Variants in PRKD1 observed in about 807,000 individuals in gnomAD.
PRKD1 encodes the protein protein kinase D1, also known as serine/threonine-protein kinase D1.
A neutral mutation model predicts 95.9 loss-of-function variants in PRKD1; 63 were observed. That is an observed-to-expected ratio of 0.66 (90% CI 0.54 to 0.81). The LOEUF is 0.81. PRKD1 is among the 30% of genes least tolerant of loss of function. The probability of loss-of-function intolerance (pLI) is 0.00; values close to 1 mark genes in which losing one functional copy is unlikely to be tolerated. For synonymous variants in PRKD1, 425 were observed against 423.1 expected (o/e 1.00, Z -0.05); for missense variants, 1,048 against 1,165.3 (o/e 0.90, Z 1.47).
rs984157526 is a variant in PRKD1 at position 29,828,571 on chromosome 14, G to A, written c.264+98678C>T. On this transcript the variant is annotated intron_variant, in intron 1 of 17. Coordinates refer to ENST00000331968, the MANE Select transcript of PRKD1 (RefSeq NM_002742.3). ...CTAACACAAGGCCTTGTTAGTCCTT[G>A]GATCTTTAGAGGAAAAAGAGATTCT... Among the ~76,000 whole-genome samples, 10 of 152,118 alleles carry A rather than the reference G, an allele frequency of 6.6e-5. 1 individual carries two copies. The highest frequency in any genetic ancestry group is 4.2e-4 in the South Asian group (2 of 4,814).
At chr14:29,772,501 C>T (rs759356088) in intron 1 of PRKD1, among the ~76,000 whole-genome samples, 3 of 152,124 alleles carry the variant, frequency 2.0e-5, no homozygotes, top group Non-Finnish European at 4.4e-5. Context: ...TATAGCCGCC[C>T]AAATGGAATA....
At chr14:29,861,808 A>G (rs1298517590) in intron 1 of PRKD1, among the ~76,000 whole-genome samples, 1 of 152,034 alleles carries the variant, frequency 6.6e-6, no homozygotes, top group East Asian at 1.9e-4. Flanking sequence ...GTGTGCCACC[A>G]CACCCAGCTA....
chr14:29,708,958 T>A (rs1299139667), intron 2 of PRKD1, among the ~76,000 whole-genome samples: 2 of 152,198 alleles, frequency 1.3e-5, no homozygotes, highest in African/African-American at 4.8e-5. Flanking sequence ...ATAAGATATA[T>A]TTTGGTGTAC....
At chr14:29,787,279 C>G (rs1889320451) in intron 1 of PRKD1, among the ~76,000 whole-genome samples, 2 of 133,308 alleles carry the variant, frequency 1.5e-5, no homozygotes, top group African/African-American at 5.8e-5. Flanking sequence ...ATTCCATGTG[C>G]TGATGAGAAG....
intron 1 of PRKD1, among the ~76,000 whole-genome samples, chr14:29,878,361 A>AC (rs1893381361): frequency 6.6e-6 from 1 of 151,586 alleles, no homozygotes; most frequent in African/African-American, 2.4e-5. Context: ...AAAAAAAAAA[A>AC]ACCTACACAC....
At chr14:29,598,476 T>C (rs1314554773) in intron 15 of PRKD1, among the ~76,000 whole-genome samples, 1 of 152,004 alleles carries the variant, frequency 6.6e-6, no homozygotes, top group African/African-American at 2.4e-5. Flanking sequence ...AAGCGCTTAT[T>C]ATGAGAAGAA....
Position 29,634,450 on chromosome 14 carries a change from A to G in PRKD1, c.1282T>C (p.Trp428Arg). 6.2e-7 allele frequency: 1 copy of G among 1,614,034 alleles called. No individual in the cohort carries two copies. The highest frequency in any genetic ancestry group is 8.5e-7 in the Non-Finnish European group (1 of 1,179,956). ...TCCTTGCTGGTGTAGTGGACCATCC[A>G]TCCTTCTTTCATGACTGTGCTGCTT... ...RKSSTVMKEG[W>R]MVHYTSKDTL... Residue 428 changes from tryptophan (W) to arginine (R), a missense_variant, in exon 8 of 18, where the codon TGG becomes CGG. Transcript: ENST00000331968.
chr14:29,894,828 A>C (rs956241488), intron 1 of PRKD1, among the ~76,000 whole-genome samples: 1 of 152,228 alleles, frequency 6.6e-6, no homozygotes. Flanking sequence ...GATCAGAAGA[A>C]GCACAGAAGC....
chr14:29,678,375 G>A (rs1186343626), intron 2 of PRKD1, among the ~76,000 whole-genome samples: 1 of 152,122 alleles, frequency 6.6e-6, no homozygotes, highest in Admixed American at 6.5e-5. Context: ...GTAAGTGGAA[G>A]GATCTATAGT....
intron 13 of PRKD1, among the ~76,000 whole-genome samples, chr14:29,611,523 C>T (rs1271422925): frequency 2.0e-5 from 3 of 151,980 alleles, no homozygotes; most frequent in East Asian, 1.9e-4. Context: ...TGAATGCATG[C>T]ATCCCAGTAC....
chr14:29,594,912 A>T (rs1446293356), intron 16 of PRKD1, among the ~76,000 whole-genome samples: 2 of 152,174 alleles, frequency 1.3e-5, no homozygotes, highest in Non-Finnish European at 1.5e-5. Flanking sequence ...GTGACACCTT[A>T]ACTGATATCA....
In PRKD1 at chr14:29,577,260, C is replaced by T. The variant is rs371931250; in HGVS notation, c.2717G>A (p.Gly906Asp). The change falls in exon 18 of 18, where the codon GGT (glycine) becomes GAT (aspartate). Residue 906 changes from glycine to aspartate, a missense_variant. By Grantham distance (94) the Gly-to-Asp change is moderately conservative. Coordinates refer to ENST00000331968, the MANE Select transcript of PRKD1 (RefSeq NM_002742.3). ...AACTCAGAGGATGCTGACACGCTCA[C>T]CGAGGGCTTTCATTTCTGTTTCTTC... ...ETEETEMKAL[G>D]ERVSIL The T allele has an allele frequency of 6.2e-7, 1 of 1,613,396 alleles. No homozygotes were observed. Among genetic ancestry groups the T allele is most frequent in the South Asian group, 1.1e-5 (1 of 91,064 alleles).
chr14:29,806,687 TAAAGA>T (rs1890249837), intron 1 of PRKD1, among the ~76,000 whole-genome samples: 1 of 152,200 alleles, frequency 6.6e-6, no homozygotes, highest in East Asian at 1.9e-4. Flanking sequence ...ACTGAAAACT[TAAAGA>T]AAAGAAAAAG....
At chr14:29,602,231 G>A (rs1334486205) in intron 13 of PRKD1, among the ~76,000 whole-genome samples, 8 of 151,988 alleles carry the variant, frequency 5.3e-5, no homozygotes, top group South Asian at 2.1e-4. Context: ...AGAGATAAGC[G>A]TTAAGGGAGA....
At chr14:29,652,783 A>C (rs1594397962) in intron 4 of PRKD1, 1 of 152,358 alleles carries the variant, frequency 6.6e-6, no homozygotes, top group Admixed American at 6.5e-5. Context: ...CCAGAACACA[A>C]GAGTTAAGTC....
At position 29,738,837 on chromosome 14, in the gene PRKD1, T is replaced by C. The variant is rs947094147; in HGVS notation, c.265-13163A>G. ...TCTCTCTCTCTTTCTTTTTTCTTTTTTTTTTTTTGGAGACAGAGTCTCACT... is the reference window on the plus strand; with the variant it reads ...TCTCTCTCTCTTTCTTTTTTCTTTTCTTTTTTTTGGAGACAGAGTCTCACT... On this transcript the variant is annotated intron_variant, in intron 1 of 17. Transcript: ENST00000331968. Among the ~76,000 whole-genome samples the C allele has an allele frequency of 5.5e-5, 8 of 146,144 alleles. No individual in the cohort carries two copies. The East Asian group carries it at 7.7e-4, about 14-fold the overall frequency.
Position 29,696,819 on chromosome 14 carries a change from T to G in PRKD1, c.403+28717A>C, listed in dbSNP as rs545370055. Among the ~76,000 whole-genome samples the G allele has an allele frequency of 2.6e-5, 4 of 152,306 alleles. No homozygotes were observed. In the South Asian group the frequency reaches 6.2e-4, roughly 24 times the overall value. On this transcript the variant is annotated intron_variant, in intron 2 of 17. Transcript: ENST00000331968. The stretch of plus-strand genomic sequence containing the variant: ...CTAAATATGTCTAGATAGTGAGAGA[T>G]ATAATTTGTAATTATGAAAATGAGT...
At chr14:29,873,940 C>T (rs551300714) in intron 1 of PRKD1, among the ~76,000 whole-genome samples, 8 of 152,204 alleles carry the variant, frequency 5.3e-5, no homozygotes, top group African/African-American at 1.9e-4. Flanking sequence ...AGACTATAAA[C>T]ACTATATAAA....
chr14:29,813,877 C>T (rs542343357), intron 1 of PRKD1, among the ~76,000 whole-genome samples: 1 of 152,306 alleles, frequency 6.6e-6, no homozygotes, highest in South Asian at 2.1e-4. Flanking sequence ...GAGACCTGAA[C>T]TGTATAAACA....
Sources: allele counts gnomAD v4.1 joint callset (sites outside exome capture counted in the v4.1 genomes callset), GRCh38; gene constraint gnomAD v4.1.1; transcripts MANE v1.5; gene names NCBI Gene and HGNC (gene_info 2026-07-23, HGNC 2026-07-21).